USP12: variants seen among roughly 807,000 people sequenced by gnomAD.
USP12 encodes the protein ubiquitin carboxyl-terminal hydrolase 12.
A neutral mutation model predicts 45.5 loss-of-function variants in USP12; 19 were observed. The ratio of observed to expected loss-of-function variants is 0.42; its 90% CI spans 0.29 to 0.61. USP12 has a LOEUF of 0.61. USP12 is among the 20% of genes least tolerant of loss of function. The pLI, the probability that USP12 is intolerant of heterozygous loss-of-function variation, is 0.22. For missense variants in USP12, 242 were observed against 447.7 expected (o/e 0.54, Z 4.15); for synonymous variants, 149 against 148.8 (o/e 1.00, Z -0.01).
chr13:27,086,323 TAAG>T (rs1446862455), intron 6 of USP12, among the ~76,000 whole-genome samples: 17 of 144,516 alleles, frequency 1.2e-4, no homozygotes, highest in Non-Finnish European at 1.9e-4. Context: ...CAGCACCTCC[TAAG>T]AAGGATATAA....
intron 1 of USP12, among the ~76,000 whole-genome samples, 164 bp downstream of exon 1, chr13:27,171,428 T>A (rs1878602392): frequency 7.0e-6 from 1 of 142,048 alleles, no homozygotes; most frequent in Non-Finnish European, 1.5e-5. Context: ...GCTCCCCGCC[T>A]GCGCGCCGTC....
chr13:27,089,088 C>T lies in USP12; in HGVS notation c.734+795G>A, dbSNP rs1436561882. On this transcript the variant is annotated intron_variant, in intron 6 of 8. Transcript: ENST00000282344. The stretch of plus-strand genomic sequence containing the variant: ...AAGAATCATTAATGTCAAGAAAGGA[C>T]TGAGAATCTTTTCCAAATTGAAAAA... Among the ~76,000 whole-genome samples, 3 of 152,152 alleles carry T rather than the reference C, an allele frequency of 2.0e-5. No homozygotes were observed. The East Asian group carries it at 5.8e-4, about 29-fold the overall frequency.
intron 2 of USP12, among the ~76,000 whole-genome samples, chr13:27,110,174 G>A (rs1026231716): frequency 3.4e-5 from 5 of 146,134 alleles, no homozygotes; most frequent in African/African-American, 1.3e-4. Context: ...GGAAAATATT[G>A]GTAATTGTTC....
At position 27,153,664 on chromosome 13, in the gene USP12, A is replaced by C. The variant is rs549294890; in HGVS notation, c.48+17928T>G. ...GAGCTCACACACCCACTTTTCTGATACTGTTCTGCTGGATGTGAATTTAAG... is the reference window on the plus strand; with the variant it reads ...GAGCTCACACACCCACTTTTCTGATCCTGTTCTGCTGGATGTGAATTTAAG... On this transcript the variant is annotated intron_variant, in intron 1 of 8. Coordinates refer to ENST00000282344, the MANE Select transcript of USP12 (RefSeq NM_182488.4). 9.2e-5 allele frequency among the ~76,000 whole-genome samples: 14 copies of C among 152,272 alleles called. No individual in the cohort carries two copies. The East Asian group carries it at 2.7e-3, about 29-fold the overall frequency.
intron 6 of USP12, among the ~76,000 whole-genome samples, chr13:27,086,409 G>C (rs1280126846): frequency 6.6e-6 from 1 of 150,998 alleles, no homozygotes; most frequent in Non-Finnish European, 1.5e-5. Flanking sequence ...AAGTTTGATA[G>C]CATTTTAGGG....
At chr13:27,108,530 TAA>T (rs57854009) in intron 2 of USP12, among the ~76,000 whole-genome samples, 1 of 145,480 alleles carries the variant, frequency 6.9e-6, no homozygotes, top group East Asian at 2.0e-4. Flanking sequence ...ACTTAAAGCA[TAA>T]AAAAAAAAAA....
In USP12 at chr13:27,075,216, C is replaced by G; in HGVS notation, c.907G>C (p.Val303Leu). The G allele has an allele frequency of 1.2e-6, 2 of 1,613,908 alleles. No homozygotes were observed. The highest frequency in any genetic ancestry group is 1.7e-6 in the Non-Finnish European group (2 of 1,179,840). The change falls in exon 7 of 9, where the codon GTT becomes CTT. Residue 303 changes from valine to leucine, a missense_variant. Physicochemically the swap from Val to Leu is conservative, Grantham distance 32 (BLOSUM62 1). Transcript: ENST00000282344. ...CTTCCACAGTGAACCACAACAGCAA[C>G]AAGGTCGTACATTCTGTCTGGATTG... is the stretch of plus-strand genomic sequence containing the variant. ...ATNPDRMYDL[V>L]AVVVHCGSGP...
At chr13:27,145,707 G>A (rs766940664) in intron 1 of USP12, among the ~76,000 whole-genome samples, 11 of 151,878 alleles carry the variant, frequency 7.2e-5, no homozygotes, top group Non-Finnish European at 1.5e-4. Context: ...TGTTTATCTA[G>A]TTGTCCTAAA....
chr13:27,072,149 TA>T (rs1873273098), intron 7 of USP12, among the ~76,000 whole-genome samples: 1 of 152,084 alleles, frequency 6.6e-6, no homozygotes, highest in African/African-American at 2.4e-5. Context: ...AACTTTTTCT[TA>T]AAAAAGCATT....
At chr13:27,073,730 G>A (rs1383174833) in intron 7 of USP12, among the ~76,000 whole-genome samples, 2 of 152,188 alleles carry the variant, frequency 1.3e-5, no homozygotes, top group African/African-American at 2.4e-5. Flanking sequence ...TAGAACAGTA[G>A]CAGTAGCTAA....
chr13:27,157,210 GTTTT>G (rs1877881301), intron 1 of USP12, among the ~76,000 whole-genome samples: 4 of 152,070 alleles, frequency 2.6e-5, no homozygotes, highest in African/African-American at 9.7e-5. Context: ...TGTTTTGTTG[GTTTT>G]TTATTTTCAA....
intron 2 of USP12, among the ~76,000 whole-genome samples, chr13:27,109,618 C>G (rs73155889): frequency 0.049 from 7,464 of 152,100 alleles, 227 homozygotes; most frequent in Middle Eastern, 0.058. Flanking sequence ...TACAAACCAA[C>G]TATAAAAAGT....
intron 2 of USP12, among the ~76,000 whole-genome samples, chr13:27,110,132 A>T (rs895623756): frequency 8.6e-5 from 13 of 151,068 alleles, no homozygotes; most frequent in East Asian, 1.9e-4. Context: ...CCAGGTAAAA[A>T]AAAAAAAAAA....
chr13:27,116,821 T>C (rs983231697), intron 1 of USP12, among the ~76,000 whole-genome samples: 1 of 152,142 alleles, frequency 6.6e-6, no homozygotes, highest in African/African-American at 2.4e-5. Context: ...GCCTAGAAAA[T>C]ACAGGAACAT....
intron 1 of USP12, among the ~76,000 whole-genome samples, chr13:27,134,320 C>T (rs929362674): frequency 6.6e-6 from 1 of 152,160 alleles, no homozygotes; most frequent in African/African-American, 2.4e-5. Context: ...TAAAATTTCT[C>T]TATCACATTT....
chr13:27,157,802 G>C (rs1375519482), intron 1 of USP12, among the ~76,000 whole-genome samples: 1 of 151,954 alleles, frequency 6.6e-6, no homozygotes, highest in Non-Finnish European at 1.5e-5. Flanking sequence ...ACTGATGCAG[G>C]CCTCACTCCA....
At chr13:27,122,022 A>C (rs1876014349) in intron 1 of USP12, among the ~76,000 whole-genome samples, 1 of 152,052 alleles carries the variant, frequency 6.6e-6, no homozygotes, top group Admixed American at 6.6e-5. Context: ...AAAGTTGGAA[A>C]AGCTGAAGTA....
chr13:27,088,764 C>T (rs1223428687), intron 6 of USP12, among the ~76,000 whole-genome samples: 1 of 152,154 alleles, frequency 6.6e-6, no homozygotes, highest in Non-Finnish European at 1.5e-5. Context: ...GCTTGCCTGG[C>T]TTTCTCTTTG....
intron 1 of USP12, among the ~76,000 whole-genome samples, chr13:27,119,418 C>T (rs1027462433): frequency 1.3e-5 from 2 of 152,146 alleles, no homozygotes; most frequent in African/African-American, 4.8e-5. Flanking sequence ...GTGGAAAGAG[C>T]TGTAGATCAT....
Sources: allele counts gnomAD v4.1 joint callset (sites outside exome capture counted in the v4.1 genomes callset), GRCh38; gene constraint gnomAD v4.1.1; transcripts MANE v1.5; gene names NCBI Gene and HGNC (gene_info 2026-07-23, HGNC 2026-07-21).